TF: variants seen among roughly 807,000 people sequenced by gnomAD.
TF encodes the protein transferrin.
A neutral mutation model predicts 82.4 loss-of-function variants in TF; 55 were observed. That is an observed-to-expected ratio of 0.67 (90% CI 0.54 to 0.84). The LOEUF (loss-of-function observed/expected upper bound fraction) is 0.84, where lower values mean the gene tolerates loss of function less well. Ranked by LOEUF, TF falls within the 40% of genes least tolerant of loss-of-function variation. The pLI, the probability that TF is intolerant of heterozygous loss-of-function variation, is 0.00. For missense variants in TF, 737 were observed against 868.4 expected, an observed-to-expected ratio of 0.85 and a Z score of 1.90; for synonymous variants, 332 against 332.6, an observed-to-expected ratio of 1.00 and a Z score of 0.02.
chr3:133,737,838 A>G, the TF span, among the ~76,000 whole-genome samples: 1 of 152,346 alleles, frequency 6.6e-6, no homozygotes, highest in East Asian at 1.9e-4. Flanking sequence ...ACCAAGAAAA[A>G]ATAGCCCAGG....
chr3:133,752,805 G>T (rs1298066009), intron 2 of TF, among the ~76,000 whole-genome samples: 2 of 152,200 alleles, frequency 1.3e-5, no homozygotes, highest in Admixed American at 6.5e-5. Context: ...GTAAAATGGA[G>T]CTGAGAGAGA....
the TF span, among the ~76,000 whole-genome samples, chr3:133,723,850 C>G: frequency 6.6e-6 from 1 of 151,962 alleles, no homozygotes; most frequent in African/African-American, 2.4e-5. Flanking sequence ...GTTCCCCTTC[C>G]TGTGTCCATG....
the TF span, among the ~76,000 whole-genome samples, chr3:133,728,474 G>T: frequency 1.3e-5 from 2 of 151,940 alleles, no homozygotes; most frequent in East Asian, 1.9e-4. Context: ...CATTCTTCAC[G>T]TAGTTCTTGA....
the TF span, among the ~76,000 whole-genome samples, chr3:133,677,330 TTCTC>T: frequency 7.2e-5 from 11 of 152,182 alleles, no homozygotes; most frequent in African/African-American, 2.7e-4. Context: ...TGCCCACACT[TTCTC>T]TTTCTTTTAA....
the TF span, chr3:133,688,201 TG>T: frequency 6.5e-6 from 1 of 154,684 alleles, no homozygotes; most frequent in South Asian, 2.1e-4. Flanking sequence ...GGGCTGTGCC[TG>T]GCTGCTCCTG....
chr3:133,769,724 G>C (rs1262662552), intron 13 of TF, among the ~76,000 whole-genome samples: 1 of 152,194 alleles, frequency 6.6e-6, no homozygotes, highest in African/African-American at 2.4e-5. Context: ...TTGTCCAAAA[G>C]TCCAACCCAC....
chr3:133,699,046 T>C, the TF span, among the ~76,000 whole-genome samples: 2 of 152,230 alleles, frequency 1.3e-5, no homozygotes, highest in Non-Finnish European at 2.9e-5. Flanking sequence ...GAGTCTCAGT[T>C]TCTTCATCTG....
the TF span, among the ~76,000 whole-genome samples, chr3:133,702,432 G>A: frequency 6.6e-6 from 1 of 151,902 alleles, no homozygotes; most frequent in Non-Finnish European, 1.5e-5. Flanking sequence ...TTAATTGTAA[G>A]TTTATTTTTT....
the TF span, among the ~76,000 whole-genome samples, chr3:133,685,036 A>C: frequency 1.3e-5 from 2 of 152,246 alleles, no homozygotes; most frequent in Non-Finnish European, 2.9e-5. Flanking sequence ...CCTGGGATGC[A>C]AGGCTGGTTC....
intron 6 of TF, among the ~76,000 whole-genome samples, 196 bp downstream of exon 6, chr3:133,756,533 A>G (rs781139058): frequency 1.5e-4 from 23 of 151,942 alleles, no homozygotes; most frequent in Admixed American, 5.2e-4. Flanking sequence ...CCATCATTCA[A>G]TCTCTCCACA....
At chr3:133,663,885 C>T in the TF span, among the ~76,000 whole-genome samples, 4 of 152,292 alleles carry the variant, frequency 2.6e-5, no homozygotes, top group South Asian at 8.3e-4. Context: ...TTTTACCCAG[C>T]CGGAACTTGA....
intron 14 of TF, among the ~76,000 whole-genome samples, chr3:133,771,436 G>C (rs1576366358): frequency 6.6e-6 from 1 of 152,204 alleles, no homozygotes; most frequent in Non-Finnish European, 1.5e-5. Flanking sequence ...ACTGATTCAA[G>C]CAAGAATCAA....
chr3:133,766,498 G>A, intron 12 of TF, 65 bp downstream of exon 12: 1 of 1,606,378 alleles, frequency 6.2e-7, no homozygotes, highest in Non-Finnish European at 8.5e-7. Flanking sequence ...CTGCCTTAGG[G>A]AAGAGGAGTG....
Position 133,759,260 on chromosome 3 carries a change from T to C in TF, c.1134T>C (p.Ser378=), listed in dbSNP as rs752870948. The C allele has an allele frequency of 2.5e-6, 4 of 1,613,070 alleles. No individual in the cohort carries two copies. Among genetic ancestry groups the C allele is most frequent in the African/African-American group, 1.3e-5 (1 of 74,540 alleles). The change falls in exon 9 of 17, where the codon AGT becomes AGC. Residue 378 remains serine (S), a synonymous_variant. Transcript: ENST00000402696. ...HHERLKCDEW[S]VNSVGKIECV... Reference sequence around the variant, plus strand: ...AGAGGCTCAAGTGTGATGAGTGGAGTGTTAACAGTGTAGGGAAAATAGAGT... The same window carrying C: ...AGAGGCTCAAGTGTGATGAGTGGAGCGTTAACAGTGTAGGGAAAATAGAGT...
rs763086171 is a variant in TF, at chr3:133,784,471, A to AAAAAAAAAT, written c.*5853_*5854insAAAAAATAA. On this transcript the variant is annotated 3_prime_UTR_variant, in exon 17 of 17. Coordinates refer to ENST00000402696, the MANE Select transcript of TF (RefSeq NM_001063.4). ...TCTTGTAAATTCCCATTTGTTAAAA[A>AAAAAAAAAT]AATAATAATAATAATAATAATAATA... The AAAAAAAAAT allele has an allele frequency of 4.3e-4, 45 of 105,594 alleles. No individual in the cohort carries two copies. Among genetic ancestry groups the AAAAAAAAAT allele is most frequent in the African/African-American group, 1.7e-3 (44 of 26,604 alleles). The allele number at this position is 105,594 out of a possible 1,614,324, so 6.5% of individuals were successfully genotyped here.
At chr3:133,687,609 C>T in the TF span, among the ~76,000 whole-genome samples, 1 of 152,186 alleles carries the variant, frequency 6.6e-6, no homozygotes, top group South Asian at 2.1e-4. Context: ...CACATGGCAA[C>T]CACCAATTAA....
At chr3:133,762,174 A>C (rs899472016) in intron 9 of TF, 1 of 216,636 alleles carries the variant, frequency 4.6e-6, no homozygotes, top group African/African-American at 2.3e-5. Context: ...TTCCCTTGGG[A>C]AAGTAGAGCC....
intron 6 of TF, among the ~76,000 whole-genome samples, chr3:133,756,555 C>T (rs1258827299): frequency 6.6e-6 from 1 of 152,156 alleles, no homozygotes; most frequent in Non-Finnish European, 1.5e-5. Context: ...GGTGCCTCTG[C>T]CTCTGGGGTA....
rs1934776162 is a variant in TF, at chr3:133,789,577, T to C, written c.*10957T>C. 1 of 152,240 alleles carries C rather than the reference T, an allele frequency of 6.6e-6. No homozygotes were observed. The allele number at this position is 152,240 out of a possible 1,614,324, so 9.4% of individuals were successfully genotyped here. A position where few individuals can be genotyped will look rare whatever the true frequency, so the allele number is the denominator to read the frequency against. ...ATTTGTGTGTGTGTATACACATGTC[T>C]AGATGTGTTTATTTGCACATTTGTT... On this transcript the variant is annotated 3_prime_UTR_variant, in exon 17 of 17. Coordinates refer to ENST00000402696, the MANE Select transcript of TF (RefSeq NM_001063.4).
Sources: gnomAD v4.1 joint callset for allele counts (sites outside exome capture counted in the v4.1 genomes callset) on GRCh38, gnomAD v4.1.1 for gene constraint, MANE v1.5 for transcripts, NCBI Gene and HGNC (gene_info 2026-07-23, HGNC 2026-07-21) for gene names.